Variants in SMAP1 observed in about 807,000 individuals in gnomAD.
SMAP1 encodes stromal membrane-associated protein 1.
A neutral mutation model predicts 58.5 loss-of-function variants in SMAP1; 24 were observed. The ratio of observed to expected loss-of-function variants is 0.41; its 90% CI spans 0.30 to 0.58. The LOEUF (loss-of-function observed/expected upper bound fraction) is 0.58. SMAP1 is among the 20% of genes least tolerant of loss of function. The pLI is 0.29. For missense variants in SMAP1, 563 were observed against 566.3 expected, an observed-to-expected ratio of 0.99 and a Z score of 0.06; for synonymous variants, 216 against 196.6, an observed-to-expected ratio of 1.10 and a Z score of -0.82.
intron 3 of SMAP1, among the ~76,000 whole-genome samples, chr6:70,760,065 ACACTTG>A (rs1320287798): frequency 1.3e-5 from 2 of 152,110 alleles, no homozygotes; most frequent in African/African-American, 4.8e-5. Context: ...CTGTATCGGG[ACACTTG>A]AGTATTATTT....
chr6:70,696,942 C>T (rs1767429376), intron 1 of SMAP1, among the ~76,000 whole-genome samples: 1 of 152,100 alleles, frequency 6.6e-6, no homozygotes, highest in Non-Finnish European at 1.5e-5. Context: ...TATATATTTA[C>T]AATTGTTATA....
intron 1 of SMAP1, among the ~76,000 whole-genome samples, chr6:70,672,928 TA>T (rs965176029): frequency 1.3e-5 from 2 of 151,942 alleles, no homozygotes; most frequent in Non-Finnish European, 2.9e-5. Flanking sequence ...CGGCCCTTAC[TA>T]GATAAGCTTT....
intron 6 of SMAP1, among the ~76,000 whole-genome samples, chr6:70,827,149 T>C (rs1414089284): frequency 1.3e-5 from 2 of 152,162 alleles, no homozygotes; most frequent in African/African-American, 2.4e-5. Flanking sequence ...GAGGAAGTTC[T>C]CTGCTTTCTT....
At chr6:70,787,755 G>A (rs190884104) in intron 4 of SMAP1, among the ~76,000 whole-genome samples, 83,351 of 149,208 alleles carry the variant, frequency 0.56, 24,188 homozygotes, top group South Asian at 0.69. Flanking sequence ...ATGAGATACC[G>A]TCTCACACCA....
At chr6:70,771,424 G>C (rs986099001) in intron 3 of SMAP1, among the ~76,000 whole-genome samples, 5 of 152,228 alleles carry the variant, frequency 3.3e-5, no homozygotes, top group Non-Finnish European at 5.9e-5. Flanking sequence ...CTTCCAGGCT[G>C]CTTTGTTTAC....
intron 3 of SMAP1, among the ~76,000 whole-genome samples, chr6:70,771,659 C>T (rs1433155852): frequency 1.3e-5 from 2 of 152,176 alleles, no homozygotes. Context: ...TCTGTCACCC[C>T]TTTCTTTGAC....
intron 3 of SMAP1, among the ~76,000 whole-genome samples, chr6:70,769,193 G>A (rs994103456): frequency 1.3e-5 from 2 of 152,148 alleles, no homozygotes; most frequent in African/African-American, 4.8e-5. Context: ...TTTGGGAATA[G>A]GTGTGGTGTG....
chr6:70,803,142 T>G (rs1020036026), intron 6 of SMAP1, among the ~76,000 whole-genome samples: 1 of 152,152 alleles, frequency 6.6e-6, no homozygotes, highest in East Asian at 1.9e-4. Context: ...GTCCTGGACT[T>G]TTTTTGGTTG....
intron 3 of SMAP1, chr6:70,759,719 T>C: frequency 3.8e-6 from 1 of 264,442 alleles, no homozygotes; most frequent in South Asian, 3.9e-5. Context: ...TTATCTTGGC[T>C]GATATATTTT....
chr6:70,672,948 A>C (rs976834051), intron 1 of SMAP1, among the ~76,000 whole-genome samples: 1 of 152,058 alleles, frequency 6.6e-6, no homozygotes, highest in Non-Finnish European at 1.5e-5. Flanking sequence ...TTCTTTAAGC[A>C]TGATCAGTTT....
intron 5 of SMAP1, among the ~76,000 whole-genome samples, chr6:70,798,243 A>G (rs1768690593): frequency 6.6e-6 from 1 of 151,864 alleles, no homozygotes; most frequent in African/African-American, 2.4e-5. Flanking sequence ...TCTTTGTGTA[A>G]TAAAGAAGTC....
chr6:70,860,450 T>G lies in SMAP1; in HGVS notation c.*116T>G, dbSNP rs1257481234. The G allele has an allele frequency of 8.1e-7, 1 of 1,238,916 alleles. No individual in the cohort carries two copies. The highest frequency in any genetic ancestry group is 1.1e-6 in the Non-Finnish European group (1 of 906,744). 76.7% of individuals were successfully genotyped at this position (1,238,916 alleles called of 1,614,324 possible). A position where few individuals can be genotyped will look rare whatever the true frequency, so the allele number is the denominator to read the frequency against. On this transcript the variant is annotated 3_prime_UTR_variant, in exon 11 of 11. Coordinates refer to ENST00000370455, the MANE Select transcript of SMAP1 (RefSeq NM_001044305.3). ...TTTTCTTTTTACCCATTTGTTCATA[T>G]TAAGAATGATCTGATTGACCGTGTT...
chr6:70,827,059 G>A (rs1433806832), intron 6 of SMAP1, among the ~76,000 whole-genome samples: 1 of 152,026 alleles, frequency 6.6e-6, no homozygotes, highest in African/African-American at 2.4e-5. Context: ...ATGTAGACAG[G>A]TGGGCCTGAT....
intron 2 of SMAP1, chr6:70,734,671 A>G (rs1171375772): frequency 6.6e-6 from 1 of 152,608 alleles, no homozygotes; most frequent in Non-Finnish European, 1.5e-5. Flanking sequence ...GCTGGGTAGA[A>G]GTTACACAGT....
chr6:70,856,034 C>G (rs1411787191), intron 8 of SMAP1, among the ~76,000 whole-genome samples: 1 of 152,076 alleles, frequency 6.6e-6, no homozygotes, highest in Non-Finnish European at 1.5e-5. Context: ...TGCAACTCAC[C>G]TTATTCTGTA....
At chr6:70,795,230 A>G (rs1768552338) in intron 5 of SMAP1, among the ~76,000 whole-genome samples, 1 of 152,150 alleles carries the variant, frequency 6.6e-6, no homozygotes, top group Non-Finnish European at 1.5e-5. Flanking sequence ...ATTTGTTTTT[A>G]GTGATTTCAT....
At chr6:70,859,037 C>T in intron 10 of SMAP1, 1 of 224,638 alleles carries the variant, frequency 4.5e-6, no homozygotes, top group Non-Finnish European at 8.7e-6. Flanking sequence ...ATTGATGTTC[C>T]TCCAGCATTT....
intron 3 of SMAP1, among the ~76,000 whole-genome samples, chr6:70,772,173 A>T (rs1485056253): frequency 6.6e-6 from 1 of 152,224 alleles, no homozygotes; most frequent in Non-Finnish European, 1.5e-5. Flanking sequence ...GTCTACACAG[A>T]CAGTGGCTCG....
intron 4 of SMAP1, among the ~76,000 whole-genome samples, chr6:70,779,025 A>G (rs1280375350): frequency 6.6e-6 from 1 of 152,190 alleles, no homozygotes; most frequent in Non-Finnish European, 1.5e-5. Flanking sequence ...GTCCCAGGCA[A>G]TGTATGTGGA....
Sources: allele counts gnomAD v4.1 joint callset (sites outside exome capture counted in the v4.1 genomes callset), GRCh38; gene constraint gnomAD v4.1.1; transcripts MANE v1.5; gene names NCBI Gene and HGNC (gene_info 2026-07-23, HGNC 2026-07-21).